PTPRN2: variants seen among roughly 807,000 people sequenced by gnomAD.
The protein encoded by PTPRN2 is protein tyrosine phosphatase receptor type N2.
PTPRN2 carries 74 observed loss-of-function variants against 118.8 expected under a neutral mutation model. The observed-to-expected ratio is 0.62, with a 90% confidence interval of 0.52 to 0.76. The LOEUF (loss-of-function observed/expected upper bound fraction) is 0.76, where lower values mean the gene tolerates loss of function less well. Ranked by LOEUF, PTPRN2 falls within the 30% of genes least tolerant of loss-of-function variation. PTPRN2 has a pLI of 0.00. For missense variants in PTPRN2, 1,481 were observed against 1,394.4 expected, an observed-to-expected ratio of 1.06 and a Z score of -0.99; for synonymous variants, 641 against 608.0, an observed-to-expected ratio of 1.05 and a Z score of -0.80.
chr7:157,621,144 C>G (rs1405881830), intron 15 of PTPRN2, among the ~76,000 whole-genome samples: 2 of 130,218 alleles, frequency 1.5e-5, no homozygotes, highest in Middle Eastern at 3.9e-3. Context: ...CCCAGTCCTC[C>G]CGCCCCCGGT....
chr7:158,407,630 C>T (rs1203666316), intron 2 of PTPRN2, among the ~76,000 whole-genome samples: 4 of 74,524 alleles, frequency 5.4e-5, no homozygotes, highest in Admixed American at 1.7e-4. Flanking sequence ...GGTCCTGGGT[C>T]CTGCGTCCTG....
At chr7:158,155,249 C>G (rs970980980) in intron 6 of PTPRN2, among the ~76,000 whole-genome samples, 2 of 152,184 alleles carry the variant, frequency 1.3e-5, no homozygotes, top group Non-Finnish European at 2.9e-5. Context: ...TAGGGCCTTC[C>G]AAACAAAATG....
chr7:157,659,399 G>C (rs1300472638), intron 13 of PTPRN2, among the ~76,000 whole-genome samples: 34 of 108,418 alleles, frequency 3.1e-4, no homozygotes, highest in African/African-American at 1.1e-3. Flanking sequence ...GGGATGGGGG[G>C]GATGGCTGGG....
chr7:157,559,828 C>T (rs938609442), intron 21 of PTPRN2, among the ~76,000 whole-genome samples: 10 of 152,064 alleles, frequency 6.6e-5, no homozygotes, highest in East Asian at 1.9e-4. Context: ...GGGCTGTGGC[C>T]CCCCCCGCCC....
intron 3 of PTPRN2, among the ~76,000 whole-genome samples, chr7:158,220,270 T>C (rs1828257992): frequency 6.6e-6 from 1 of 152,052 alleles, no homozygotes; most frequent in Non-Finnish European, 1.5e-5. Context: ...TGAAACAAAA[T>C]GCCCACTCTC....
At chr7:158,265,451 C>T (rs1012404072) in intron 3 of PTPRN2, among the ~76,000 whole-genome samples, 2 of 151,952 alleles carry the variant, frequency 1.3e-5, no homozygotes, top group African/African-American at 4.8e-5. Flanking sequence ...CAGGCAGGTA[C>T]ACACCGACGG....
At chr7:157,728,181 A>T (rs1373747351) in intron 12 of PTPRN2, among the ~76,000 whole-genome samples, 1 of 152,214 alleles carries the variant, frequency 6.6e-6, no homozygotes, top group African/African-American at 2.4e-5. Flanking sequence ...CCACGAAGCC[A>T]GGAGAACACA....
intron 4 of PTPRN2, among the ~76,000 whole-genome samples, chr7:158,204,254 G>A (rs1276512168): frequency 6.6e-6 from 1 of 151,856 alleles, no homozygotes; most frequent in Non-Finnish European, 1.5e-5. Context: ...GGGGAAAGAC[G>A]CAGCCCCCGC....
At chr7:158,169,417 A>AGTGTGTCTGTGT (rs773827214) in intron 5 of PTPRN2, among the ~76,000 whole-genome samples, 58 of 136,628 alleles carry the variant, frequency 4.2e-4, no homozygotes, top group African/African-American at 1.5e-3. Context: ...TGCTTTTGTG[A>AGTGTGTCTGTGT]GTGTGTGTGT....
intron 2 of PTPRN2, among the ~76,000 whole-genome samples, chr7:158,384,999 G>A (rs181888227): frequency 5.3e-5 from 8 of 151,982 alleles, no homozygotes; most frequent in East Asian, 1.9e-4. Context: ...TGTGACTTCC[G>A]CCCTCACCGC....
rs1811275293 is a variant in PTPRN2, at chr7:158,070,768, CTCATGGT to C, written c.1723+10523_1723+10529del. On this transcript the variant is annotated intron_variant, in intron 11 of 22. Transcript: ENST00000389418. Reference sequence around the variant, plus strand: ...GGAGGTGCCCGTGGTGGTGGAGGTGCTCATGGTGGAGGTGCCCGTGGTGGTGGAGGTG... The same window carrying C: ...GGAGGTGCCCGTGGTGGTGGAGGTGCGGAGGTGCCCGTGGTGGTGGAGGTG... Among the ~76,000 whole-genome samples, 12 of 103,180 alleles carry C rather than the reference CTCATGGT, an allele frequency of 1.2e-4. No homozygotes were observed. In the Admixed American group the frequency reaches 1.2e-3, roughly 10 times the overall value. The allele number at this position is 103,180 out of a possible 152,430, so 67.7% of individuals were successfully genotyped here. A position where few individuals can be genotyped will look rare whatever the true frequency, so the allele number is the denominator to read the frequency against.
chr7:158,463,545 G>C (rs1819159107), intron 2 of PTPRN2, among the ~76,000 whole-genome samples: 1 of 150,538 alleles, frequency 6.6e-6, no homozygotes, highest in African/African-American at 2.5e-5. Flanking sequence ...CATCATCATT[G>C]TTATCACCAT....
At chr7:158,158,508 A>G (rs5022123) in intron 6 of PTPRN2, among the ~76,000 whole-genome samples, 9,183 of 139,260 alleles carry the variant, frequency 0.066, 1,151 homozygotes, top group African/African-American at 0.083. Flanking sequence ...GTGATTGGCC[A>G]GGACTTCGCA....
At chr7:157,796,997 G>GACTCGCCGCTCAGACGA (rs1804909838) in intron 12 of PTPRN2, among the ~76,000 whole-genome samples, 1 of 152,140 alleles carries the variant, frequency 6.6e-6, no homozygotes, top group Non-Finnish European at 1.5e-5. Flanking sequence ...CTCGAGTTCC[G>GACTCGCCGCTCAGACGA]ACTCGCCGCT....
In PTPRN2 at chr7:157,958,246, C is replaced by T. The variant is rs1469649254; in HGVS notation, c.1724-59509G>A. 1.3e-5 allele frequency among the ~76,000 whole-genome samples: 2 copies of T among 152,086 alleles called. 1 individual carries two copies. The highest frequency in any genetic ancestry group is 4.1e-4 in the South Asian group (2 of 4,826). ...ACAAACTAGGAGTAACAGAAAATCACCTCAACATAATAAAGGCCATATATG... is the reference window on the plus strand; with the variant it reads ...ACAAACTAGGAGTAACAGAAAATCATCTCAACATAATAAAGGCCATATATG... On this transcript the variant is annotated intron_variant, in intron 11 of 22. Coordinates refer to ENST00000389418, the MANE Select transcript of PTPRN2 (RefSeq NM_002847.5).
chr7:157,547,568 C>T (rs968210076), intron 22 of PTPRN2, among the ~76,000 whole-genome samples: 6 of 152,022 alleles, frequency 3.9e-5, no homozygotes, highest in Non-Finnish European at 8.8e-5. Flanking sequence ...CCTCCTCTCT[C>T]GACAGCCTCG....
At chr7:158,274,350 A>ACAGACACAGGGGGAGCCG (rs1371362965) in intron 3 of PTPRN2, among the ~76,000 whole-genome samples, 28 of 52,590 alleles carry the variant, frequency 5.3e-4, no homozygotes, top group African/African-American at 1.3e-3. Context: ...CGGGAGAGCC[A>ACAGACACAGGGGGAGCCG]CAGACACAGG....
chr7:158,269,881 GAGAGAGAC>G (rs71198593), intron 3 of PTPRN2, among the ~76,000 whole-genome samples: 13,349 of 151,884 alleles, frequency 0.088, 796 homozygotes, highest in East Asian at 0.24. Flanking sequence ...GAAAGAGACA[GAGAGAGAC>G]AGAGAGACAG....
chr7:157,762,304 T>C (rs905946159), intron 12 of PTPRN2, among the ~76,000 whole-genome samples: 2 of 152,158 alleles, frequency 1.3e-5, no homozygotes, highest in Admixed American at 6.5e-5. Context: ...CGTATGTTTA[T>C]TGCAGCATTA....
Sources: allele counts gnomAD v4.1 joint callset (sites outside exome capture counted in the v4.1 genomes callset), GRCh38; gene constraint gnomAD v4.1.1; transcripts MANE v1.5; gene names NCBI Gene and HGNC (gene_info 2026-07-23, HGNC 2026-07-21).